Variants in TAPT1 observed in about 807,000 individuals in gnomAD.
The protein encoded by TAPT1 is transmembrane anterior posterior transformation 1.
Under a neutral mutation model 65.6 loss-of-function variants are expected in TAPT1, and 28 were observed. That is an observed-to-expected ratio of 0.43 (90% CI 0.32 to 0.59). The LOEUF (loss-of-function observed/expected upper bound fraction) is 0.59. Ranked by LOEUF, TAPT1 falls within the 20% of genes least tolerant of loss-of-function variation. The probability of loss-of-function intolerance (pLI) is 0.09; values close to 1 mark genes in which losing one functional copy is unlikely to be tolerated. For missense variants in TAPT1, 563 were observed against 679.9 expected (o/e 0.83, Z 1.91); for synonymous variants, 278 against 245.2 (o/e 1.13, Z -1.25).
chr4:16,211,164 G>T (rs762526833), intron 2 of TAPT1, among the ~76,000 whole-genome samples: 2 of 151,248 alleles, frequency 1.3e-5, no homozygotes, highest in African/African-American at 4.9e-5. Flanking sequence ...AGCAAAGTGC[G>T]CTTTAATTTT....
chr4:16,165,907 C>T (rs533167483), intron 13 of TAPT1, among the ~76,000 whole-genome samples: 2 of 152,280 alleles, frequency 1.3e-5, no homozygotes, highest in East Asian at 1.9e-4. Flanking sequence ...TTCCACAAAG[C>T]TTGAGAATGA....
chr4:16,225,747 G>T (rs775869334), intron 1 of TAPT1: 7 of 360,214 alleles, frequency 1.9e-5, no homozygotes, highest in Non-Finnish European at 2.3e-5. Context: ...TTTCTGTACT[G>T]GGCAAAACTA....
At chr4:16,215,422 T>C (rs1199347008) in intron 1 of TAPT1, among the ~76,000 whole-genome samples, 1 of 152,202 alleles carries the variant, frequency 6.6e-6, no homozygotes, top group Non-Finnish European at 1.5e-5. Context: ...AACGGATTCC[T>C]GGTTCTTTGA....
chr4:16,200,730 C>G lies in TAPT1; in HGVS notation c.449+1732G>C, dbSNP rs550853271. 8.5e-5 allele frequency among the ~76,000 whole-genome samples: 13 copies of G among 152,208 alleles called. No homozygotes were observed. In the East Asian group the frequency reaches 1.5e-3, roughly 18 times the overall value. On this transcript the variant is annotated intron_variant, in intron 3 of 13. Coordinates refer to ENST00000405303, the MANE Select transcript of TAPT1 (RefSeq NM_153365.3). ...ATAAAGATGTATATTTGGTAATGTT[C>G]TATTAGATTGTATTTGGGTCTTCTG...
At chr4:16,181,668 A>G (rs1414945025) in intron 7 of TAPT1, among the ~76,000 whole-genome samples, 1 of 152,136 alleles carries the variant, frequency 6.6e-6, no homozygotes, top group Non-Finnish European at 1.5e-5. Flanking sequence ...CCCGGGTTCA[A>G]GCAATTCTCC....
chr4:16,175,948 A>G (rs1429887980), intron 9 of TAPT1, among the ~76,000 whole-genome samples, 171 bp downstream of exon 9: 1 of 152,220 alleles, frequency 6.6e-6, no homozygotes, highest in Admixed American at 6.5e-5. Context: ...ATATGGAATT[A>G]TCATTGCCTA....
At chr4:16,188,178 T>C (rs1183299566) in intron 5 of TAPT1, 42 bp downstream of exon 5, 6 of 1,549,854 alleles carry the variant, frequency 3.9e-6, no homozygotes, top group African/African-American at 1.4e-5. Context: ...AGGTAGACTA[T>C]GCATTAACTG....
chr4:16,168,138 C>A (rs1747759491), intron 12 of TAPT1, among the ~76,000 whole-genome samples: 1 of 147,220 alleles, frequency 6.8e-6, no homozygotes, highest in African/African-American at 2.6e-5. Context: ...TTTTAAGAAG[C>A]AGTCTTGCAT....
intron 8 of TAPT1, 179 bp downstream of exon 8, chr4:16,179,398 T>C (rs1310851675): frequency 2.1e-6 from 1 of 483,260 alleles, no homozygotes; most frequent in East Asian, 3.6e-5. Context: ...CCATCGTATA[T>C]GTGGTCTATT....
At chr4:16,188,176 T>C (rs1749135490) in intron 5 of TAPT1, 44 bp downstream of exon 5, 3 of 1,535,980 alleles carry the variant, frequency 2.0e-6, no homozygotes, top group Non-Finnish European at 2.6e-6. Flanking sequence ...TAAGGTAGAC[T>C]ATGCATTAAC....
intron 2 of TAPT1, among the ~76,000 whole-genome samples, chr4:16,210,109 C>T (rs889912132): frequency 1.1e-4 from 16 of 152,268 alleles, no homozygotes; most frequent in African/African-American, 3.4e-4. Flanking sequence ...TCTCTCATGG[C>T]CATTGGTTAT....
chr4:16,212,843 T>C lies in TAPT1; in HGVS notation c.330+925A>G, dbSNP rs79452789. Among the ~76,000 whole-genome samples, 551 of 152,320 alleles carry C rather than the reference T, an allele frequency of 3.6e-3. 5 individuals carry two copies. Among genetic ancestry groups the C allele is most frequent in the African/African-American group, 0.012 (514 of 41,578 alleles). On this transcript the variant is annotated intron_variant, in intron 2 of 13. Coordinates refer to ENST00000405303, the MANE Select transcript of TAPT1 (RefSeq NM_153365.3). ...CTACATAAAGCAACATTTCTGAAAC[T>C]GTCACTCTACATTTCGCTCTTTTTC...
At chr4:16,179,427 A>G in intron 8 of TAPT1, 150 bp downstream of exon 8, 1 of 537,784 alleles carries the variant, frequency 1.9e-6, no homozygotes, top group East Asian at 3.3e-5. Context: ...AAGGTCATTA[A>G]GTGACAGATG....
chr4:16,193,675 G>T (rs1024121388), intron 3 of TAPT1, among the ~76,000 whole-genome samples: 3 of 152,142 alleles, frequency 2.0e-5, no homozygotes, highest in African/African-American at 7.2e-5. Context: ...AAGAGGAGAC[G>T]TTTTGAACAC....
chr4:16,170,874 A>C (rs1322273791), intron 11 of TAPT1, 145 bp from the exon 12 acceptor site: 1 of 624,422 alleles, frequency 1.6e-6, no homozygotes, highest in East Asian at 2.8e-5. Context: ...AAATCCAAGA[A>C]GGCAGATTTG....
intron 2 of TAPT1, among the ~76,000 whole-genome samples, chr4:16,205,797 G>C (rs1350265572): frequency 6.6e-6 from 1 of 152,162 alleles, no homozygotes; most frequent in East Asian, 1.9e-4. Flanking sequence ...TAATCATTAT[G>C]CAAGAGGCAT....
chr4:16,179,804 G>GTGTGTATATATATATATATATATATA lies in TAPT1; in HGVS notation c.917-148_917-147insTATATATATATATATATATATACACA, dbSNP rs1234531451. ...TATACAACTTTATATATATATATAT[G>GTGTGTATATATATATATATATATATA]TGTGTGTGTGTGTGTGTGTGTGTAT... On this transcript the variant is annotated intron_variant, in intron 7 of 13. Transcript: ENST00000405303. 645 of 111,798 alleles carry GTGTGTATATATATATATATATATATA rather than the reference G, an allele frequency of 5.8e-3. 5 individuals are homozygous for GTGTGTATATATATATATATATATATA. Among genetic ancestry groups the GTGTGTATATATATATATATATATATA allele is most frequent in the African/African-American group, 0.024 (600 of 25,176 alleles). 6.9% of individuals were successfully genotyped at this position (111,798 alleles called of 1,614,324 possible).
In TAPT1 at chr4:16,204,299, C is replaced by A. The variant is rs1001520043; in HGVS notation, c.331-1719G>T. ...GTTCCTTCCTAGGCAGCTTCCAAAG[C>A]ACTGAAGACAGTTCAGCTCAAACTG... On this transcript the variant is annotated intron_variant, in intron 2 of 13. Transcript: ENST00000405303. Among the ~76,000 whole-genome samples, 4 of 152,322 alleles carry A rather than the reference C, an allele frequency of 2.6e-5. No homozygotes were observed. In the South Asian group the frequency reaches 8.3e-4, roughly 32 times the overall value.
At chr4:16,170,560 G>T in intron 12 of TAPT1, 93 bp downstream of exon 12, 2 of 840,394 alleles carry the variant, frequency 2.4e-6, no homozygotes, top group East Asian at 2.6e-5. Flanking sequence ...GGCATAGACT[G>T]GGAGTAGTAT....
Sources: allele counts gnomAD v4.1 joint callset (sites outside exome capture counted in the v4.1 genomes callset), GRCh38; gene constraint gnomAD v4.1.1; transcripts MANE v1.5; gene names NCBI Gene and HGNC (gene_info 2026-07-23, HGNC 2026-07-21).